The following SLC24A2 variants were observed in gnomAD, a reference collection of about 807,000 sequenced individuals.
SLC24A2 encodes the protein solute carrier family 24 member 2, also known as sodium/potassium/calcium exchanger 2.
In SLC24A2, 36 loss-of-function variants were observed where a neutral mutation model predicts 62.0. The observed-to-expected ratio is 0.58, with a 90% CI of 0.44 to 0.77. The LOEUF is 0.77. Among genes scored for constraint, SLC24A2 ranks in the 30% least tolerant of loss-of-function variants. The pLI is 0.00. For synonymous variants in SLC24A2, 358 were observed against 294.0 expected, an observed-to-expected ratio of 1.22 and a Z score of -2.23; for missense variants, 846 against 817.9, an observed-to-expected ratio of 1.03 and a Z score of -0.42.
chr9:19,985,435 C>T, the SLC24A2 span, among the ~76,000 whole-genome samples: 1 of 152,084 alleles, frequency 6.6e-6, no homozygotes, highest in Admixed American at 6.5e-5. Flanking sequence ...ATACATATGA[C>T]TTATATGAAT....
chr9:19,782,319 T>A, intron 2 of SLC24A2, among the ~76,000 whole-genome samples: 1 of 152,112 alleles, frequency 6.6e-6, no homozygotes, highest in East Asian at 1.9e-4. Context: ...ATACAGACAT[T>A]TTAAGAAGAG....
At chr9:20,043,229 T>C in the SLC24A2 span, among the ~76,000 whole-genome samples, 2 of 152,174 alleles carry the variant, frequency 1.3e-5, no homozygotes, top group African/African-American at 4.8e-5. Flanking sequence ...AAATTAAAAG[T>C]GCTACTCCAG....
At chr9:20,098,961 C>G in the SLC24A2 span, among the ~76,000 whole-genome samples, 1 of 152,194 alleles carries the variant, frequency 6.6e-6, no homozygotes, top group Admixed American at 6.5e-5. Flanking sequence ...ATATACACAA[C>G]TTACTGAAAA....
At chr9:19,918,684 C>G in the SLC24A2 span, among the ~76,000 whole-genome samples, 8 of 152,292 alleles carry the variant, frequency 5.3e-5, no homozygotes, top group Non-Finnish European at 1.0e-4. Context: ...CAGTGAGAGT[C>G]ATCTTAAATG....
intron 2 of SLC24A2, among the ~76,000 whole-genome samples, chr9:19,699,117 C>A (rs1362588821): frequency 3.9e-5 from 6 of 152,080 alleles, no homozygotes; most frequent in Admixed American, 6.6e-5. Flanking sequence ...AGTTCCCAGA[C>A]TCGGGGGTTC....
the SLC24A2 span, among the ~76,000 whole-genome samples, chr9:20,102,618 T>A: frequency 6.6e-6 from 1 of 151,550 alleles, no homozygotes. Flanking sequence ...ATTCTGCACA[T>A]GTATCCCAGA....
chr9:19,519,569 T>C (rs1833092761), intron 10 of SLC24A2, among the ~76,000 whole-genome samples: 1 of 152,176 alleles, frequency 6.6e-6, no homozygotes, highest in East Asian at 1.9e-4. Flanking sequence ...AGGCATTCAT[T>C]CATCCATCCA....
the SLC24A2 span, among the ~76,000 whole-genome samples, chr9:20,155,514 A>G: frequency 6.6e-6 from 1 of 151,866 alleles, no homozygotes; most frequent in East Asian, 1.9e-4. Context: ...TAAAGGAATT[A>G]TAACAACAAA....
chr9:19,684,853 A>T (rs1324207443), intron 2 of SLC24A2, among the ~76,000 whole-genome samples: 1 of 152,064 alleles, frequency 6.6e-6, no homozygotes, highest in African/African-American at 2.4e-5. Context: ...TAGCCAGAGC[A>T]AGCAGGCAAG....
intron 2 of SLC24A2, among the ~76,000 whole-genome samples, chr9:19,743,707 C>A (rs550302882): frequency 6.6e-6 from 1 of 152,244 alleles, no homozygotes; most frequent in South Asian, 2.1e-4. Context: ...AAAATATCTA[C>A]CAATAAAATT....
At chr9:20,059,324 T>A in the SLC24A2 span, among the ~76,000 whole-genome samples, 1 of 152,102 alleles carries the variant, frequency 6.6e-6, no homozygotes, top group Non-Finnish European at 1.5e-5. Flanking sequence ...CATAGAAAAC[T>A]CCATTTAACA....
the SLC24A2 span, among the ~76,000 whole-genome samples, chr9:20,239,913 A>C: frequency 3.4e-5 from 5 of 148,078 alleles, no homozygotes; most frequent in Admixed American, 2.0e-4. Flanking sequence ...GATTCGAACC[A>C]GCTGTGAACT....
chr9:19,953,195 A>G, the SLC24A2 span, among the ~76,000 whole-genome samples: 5,256 of 152,042 alleles, frequency 0.035, 101 homozygotes, highest in Middle Eastern at 0.048. Flanking sequence ...TAACGATTTC[A>G]TTGATTTTTC....
chr9:19,655,394 G>A (rs763069155), intron 2 of SLC24A2, among the ~76,000 whole-genome samples: 3 of 152,182 alleles, frequency 2.0e-5, no homozygotes, highest in Non-Finnish European at 4.4e-5. Context: ...AAGGCAGGTA[G>A]ATGACTTTCA....
chr9:19,544,041 C>A (rs1834419491), intron 8 of SLC24A2, among the ~76,000 whole-genome samples: 1 of 152,040 alleles, frequency 6.6e-6, no homozygotes, highest in African/African-American at 2.4e-5. Context: ...ATTAAATCTC[C>A]CACTATTATT....
At chr9:19,613,351 C>G (rs184770585) in intron 4 of SLC24A2, among the ~76,000 whole-genome samples, 5 of 152,308 alleles carry the variant, frequency 3.3e-5, no homozygotes, top group Non-Finnish European at 5.9e-5. Context: ...AGATGGCAGC[C>G]TGGGCTGCAG....
rs1021318484 is a variant in SLC24A2 at position 19,639,294 on chromosome 9, T to G, written c.931-16995A>C. Among the ~76,000 whole-genome samples, 11 of 152,350 alleles carry G rather than the reference T, an allele frequency of 7.2e-5. No individual in the cohort carries two copies. In the East Asian group the frequency reaches 2.1e-3, roughly 29 times the overall value. On this transcript the variant is annotated intron_variant, in intron 2 of 10. Transcript: ENST00000341998. ...CTTCTCTTCCCTATAATGAAGTCCT[T>G]TTGCAATGGTGACTTTTCAGGTCCC...
the SLC24A2 span, among the ~76,000 whole-genome samples, chr9:20,076,277 T>C: frequency 3.3e-5 from 5 of 152,132 alleles, no homozygotes; most frequent in Non-Finnish European, 7.4e-5. Context: ...TCCTAGATGA[T>C]AAAAAACTAG....
chr9:20,300,498 T>A, the SLC24A2 span, among the ~76,000 whole-genome samples: 1 of 152,324 alleles, frequency 6.6e-6, no homozygotes, highest in South Asian at 2.1e-4. Flanking sequence ...TGTGTTAAAA[T>A]CATGCTTCAG....
Sources: gnomAD v4.1 joint callset for allele counts (sites outside exome capture counted in the v4.1 genomes callset) on GRCh38, gnomAD v4.1.1 for gene constraint, MANE v1.5 for transcripts, NCBI Gene and HGNC (gene_info 2026-07-23, HGNC 2026-07-21) for gene names.